Variants in PALB2 observed in about 807,000 individuals in gnomAD.
The protein encoded by PALB2 is partner and localizer of BRCA2.
A neutral mutation model predicts 107.4 loss-of-function variants in PALB2; 82 were observed. That is an observed-to-expected ratio of 0.76 (90% confidence interval 0.64 to 0.92). The LOEUF is 0.92. Among genes scored for constraint, PALB2 ranks in the 40% least tolerant of loss-of-function variants. PALB2 has a pLI of 0.00. For synonymous variants in PALB2, 489 were observed against 496.8 expected (o/e 0.98, Z 0.21); for missense variants, 1,374 against 1,379.9 (o/e 1.00, Z 0.07).
Position 23,641,252 on chromosome 16 carries a change from G to A in PALB2, c.-95C>T. 4 of 1,491,920 alleles carry A rather than the reference G, an allele frequency of 2.7e-6. No individual in the cohort carries two copies. The highest frequency in any genetic ancestry group is 3.7e-6 in the Non-Finnish European group (4 of 1,090,744). 92.4% of individuals were successfully genotyped at this position (1,491,920 alleles called of 1,614,324 possible). A position where few individuals can be genotyped will look rare whatever the true frequency, so the allele number is the denominator to read the frequency against. ...GCCCTGGGCCGGGGAGGCGCCCCAG[G>A]AAGGAATGGGGAGCCCGGGATCGCA... On this transcript the variant is annotated 5_prime_UTR_variant, in exon 1 of 13. Coordinates refer to ENST00000261584, the MANE Select transcript of PALB2 (RefSeq NM_024675.4).
rs2142422408 is a variant in PALB2 at position 23,635,327 on chromosome 16, C to G, written c.1219G>C (p.Glu407Gln). 6.2e-7 allele frequency: 1 copy of G among 1,614,078 alleles called. No homozygotes were observed. Among genetic ancestry groups the G allele is most frequent in the Non-Finnish European group, 8.5e-7 (1 of 1,180,040 alleles). ...CTTCGTGTTGTTCTAACATAATATTCTGCAGGAAACAGAAGGCCTTCAGGC... is the reference window on the plus strand; with the variant it reads ...CTTCGTGTTGTTCTAACATAATATTGTGCAGGAAACAGAAGGCCTTCAGGC... Reference protein sequence around the residue: ...TVPEGLLFPAEYYVRTTRSMS... With the variant: ...TVPEGLLFPAQYYVRTTRSMS... The change falls in exon 4 of 13, where the codon GAA (glutamate) becomes CAA (glutamine). Residue 407 changes from glutamate to glutamine, a missense_variant. Glu to Gln is a conservative substitution (Grantham distance 29). Coordinates refer to ENST00000261584, the MANE Select transcript of PALB2 (RefSeq NM_024675.4).
At chr16:23,623,839 A>C in intron 8 of PALB2, 170 bp downstream of exon 8, 1 of 624,172 alleles carries the variant, frequency 1.6e-6, no homozygotes, top group African/African-American at 1.8e-5. Context: ...TTTTAAATAG[A>C]AACTTCAGTC....
In PALB2 at chr16:23,603,527, A is replaced by G. The variant is rs763591645; in HGVS notation, c.3493T>C (p.Ser1165Pro). 1.2e-6 allele frequency: 2 copies of G among 1,614,040 alleles called. No homozygotes were observed. Among genetic ancestry groups the G allele is most frequent in the Non-Finnish European group, 1.7e-6 (2 of 1,180,024 alleles). The change falls in exon 13 of 13, where the codon TCG becomes CCG. Residue 1165 changes from serine (S) to proline (P), a missense_variant. By Grantham distance (74) the Ser-to-Pro change is moderately conservative. Transcript: ENST00000261584. ...SDQHWSFVKWSGTDSHLLAGQ... is the reference protein window; with the variant it reads ...SDQHWSFVKWPGTDSHLLAGQ... ...GCCAGCAAATGAGAGTCTGTACCCGACCATTTCACAAAAGACCAATGTTGG... is the reference window on the plus strand; with the variant it reads ...GCCAGCAAATGAGAGTCTGTACCCGGCCATTTCACAAAAGACCAATGTTGG...
rs893430620 is a variant in PALB2 at position 23,619,392 on chromosome 16, G to C, written c.3113+1970C>G. On this transcript the variant is annotated intron_variant, in intron 10 of 12. Transcript: ENST00000261584. ...AGACAGAGTCTCACTCTGTCACTCA[G>C]GCTAGAGTGCAGTGGCGCGATCTCG... Among the ~76,000 whole-genome samples the C allele has an allele frequency of 1.4e-4, 22 of 152,150 alleles. No homozygotes were observed. The East Asian group carries it at 4.2e-3, about 29-fold the overall frequency.
Position 23,634,639 on chromosome 16 carries a change from T to TTTTA in PALB2, c.1684+219_1684+222dup, listed in dbSNP as rs60066032. Among the ~76,000 whole-genome samples, 9,065 of 146,818 alleles carry TTTTA rather than the reference T, an allele frequency of 0.062. 482 individuals are homozygous for TTTTA. Among genetic ancestry groups the TTTTA allele is most frequent in the African/African-American group, 0.13 (5,220 of 39,806 alleles). ...CAACAGTGAGCCCCTGTCTCTTTAT[T>TTTTA]TTTATTTATTTATTTATTTATTTAT... On this transcript the variant is annotated intron_variant, in intron 4 of 12. Transcript: ENST00000261584.
intron 10 of PALB2, among the ~76,000 whole-genome samples, chr16:23,619,841 G>T (rs1335844376): frequency 6.6e-6 from 1 of 151,872 alleles, no homozygotes; most frequent in African/African-American, 2.4e-5. Flanking sequence ...GTGCAGTGGC[G>T]CAATCTTGAC....
chr16:23,603,396 A>G lies in PALB2; in HGVS notation c.*63T>C. The G allele has an allele frequency of 7.3e-7, 1 of 1,370,228 alleles. No homozygotes were observed. Among genetic ancestry groups the G allele is most frequent in the Non-Finnish European group, 1.0e-6 (1 of 960,312 alleles). 84.9% of individuals were successfully genotyped at this position (1,370,228 alleles called of 1,614,324 possible). On this transcript the variant is annotated 3_prime_UTR_variant, in exon 13 of 13. Coordinates refer to ENST00000261584, the MANE Select transcript of PALB2 (RefSeq NM_024675.4). Reference sequence around the variant, plus strand: ...TTCAGATATTCTCCTTTATATTTAAAACTCCAAAAAATACTAAGAGGCCCA... The same window carrying G: ...TTCAGATATTCTCCTTTATATTTAAGACTCCAAAAAATACTAAGAGGCCCA...
intron 10 of PALB2, among the ~76,000 whole-genome samples, 157 bp downstream of exon 10, chr16:23,621,205 G>A (rs1044543735): frequency 6.6e-6 from 1 of 152,150 alleles, no homozygotes; most frequent in African/African-American, 2.4e-5. Context: ...AGGAGACTCT[G>A]TCTCAAAACA....
intron 1 of PALB2, 42 bp from the exon 2 acceptor site, chr16:23,638,171 G>A (rs1967114344): frequency 1.2e-5 from 19 of 1,551,578 alleles, no homozygotes; most frequent in Non-Finnish European, 1.6e-5. Context: ...CAAGTGGAAA[G>A]GTGGAGTCAG....
chr16:23,625,219 G>A (rs1171000886), intron 7 of PALB2, among the ~76,000 whole-genome samples: 1 of 152,052 alleles, frequency 6.6e-6, no homozygotes, highest in Non-Finnish European at 1.5e-5. Context: ...TGTAGTCCCA[G>A]CTACTCGGGA....
At chr16:23,623,788 G>C in intron 8 of PALB2, 1 of 517,592 alleles carries the variant, frequency 1.9e-6, no homozygotes, top group Non-Finnish European at 3.5e-6. Flanking sequence ...CAAAGTGCTG[G>C]GATTACAGGC....
chr16:23,623,255 G>C, intron 8 of PALB2, 125 bp from the exon 9 acceptor site: 1 of 861,212 alleles, frequency 1.2e-6, no homozygotes, highest in African/African-American at 1.8e-5. Context: ...CTAGGCTGGA[G>C]TGCAGTGGCA....
chr16:23,635,144 T>C lies in PALB2; in HGVS notation c.1402A>G (p.Thr468Ala), dbSNP rs1966971242. The C allele has an allele frequency of 6.2e-7, 1 of 1,614,230 alleles. No homozygotes were observed. The highest frequency in any genetic ancestry group is 1.1e-5 in the South Asian group (1 of 91,078). ...TDQSEIRMSG[T>A]CTGQPSSRTS... ...CTTGAACTTGGTTGTCCTGTGCATG[T>C]GCCAGACATCCTAATTTCACTTTGG... Residue 468 changes from threonine (T) to alanine (A), a missense_variant, in exon 4 of 13, where the codon ACA (threonine) becomes GCA (alanine). Thr to Ala is a moderately conservative substitution (Grantham distance 58). Coordinates refer to ENST00000261584, the MANE Select transcript of PALB2 (RefSeq NM_024675.4).
At chr16:23,618,647 G>A (rs1042640719) in intron 10 of PALB2, among the ~76,000 whole-genome samples, 1 of 152,042 alleles carries the variant, frequency 6.6e-6, no homozygotes, top group African/African-American at 2.4e-5. Context: ...GTGCACTCTA[G>A]TTTGGGTGAC....
chr16:23,624,742 C>T (rs866623776), intron 7 of PALB2, among the ~76,000 whole-genome samples: 2 of 152,266 alleles, frequency 1.3e-5, no homozygotes, highest in Middle Eastern at 6.8e-3. Context: ...AACTCCTGAC[C>T]TCAGGTGATC....
At chr16:23,623,200 CTTTTTTTTTT>C (rs754470879) in intron 8 of PALB2, 70 bp from the exon 9 acceptor site, 3 of 782,684 alleles carry the variant, frequency 3.8e-6, no homozygotes, top group East Asian at 3.4e-5. Context: ...ACTAGGTTCA[CTTTTTTTTTT>C]TTTTTTTTTT....
chr16:23,637,707 A>G, intron 3 of PALB2, 143 bp downstream of exon 3: 1 of 704,930 alleles, frequency 1.4e-6, no homozygotes, highest in Non-Finnish European at 2.4e-6. Flanking sequence ...ACTCTGTCTC[A>G]AAAAAATAAA....
At chr16:23,623,207 T>C in intron 8 of PALB2, 77 bp from the exon 9 acceptor site, 1 of 1,286,330 alleles carries the variant, frequency 7.8e-7, no homozygotes, top group Non-Finnish European at 1.1e-6. Context: ...TCACTTTTTT[T>C]TTTTTTTTTT....
intron 7 of PALB2, among the ~76,000 whole-genome samples, chr16:23,625,694 G>A (rs1966841207): frequency 6.6e-6 from 1 of 152,098 alleles, no homozygotes; most frequent in Admixed American, 6.6e-5. Context: ...CTACTCAGGA[G>A]GCTGAGGCAC....
Sources: gnomAD v4.1 joint callset for allele counts (sites outside exome capture counted in the v4.1 genomes callset) on GRCh38, gnomAD v4.1.1 for gene constraint, MANE v1.5 for transcripts, NCBI Gene and HGNC (gene_info 2026-07-23, HGNC 2026-07-21) for gene names.